STPG2: variants seen among roughly 807,000 people sequenced by gnomAD.
STPG2 encodes sperm-tail PG-rich repeat-containing protein 2.
In STPG2, 56 loss-of-function variants were observed where a neutral mutation model predicts 54.2. The ratio of observed to expected loss-of-function variants is 1.03; its 90% CI spans 0.83 to 1.29. STPG2 has a LOEUF of 1.29. Ranked by LOEUF, STPG2 falls within the 50% of genes most tolerant of loss-of-function variation. The pLI is 0.00. For missense variants in STPG2, 596 were observed against 544.9 expected (o/e 1.09, Z -0.93); for synonymous variants, 200 against 181.8 (o/e 1.10, Z -0.81).
intron 9 of STPG2, among the ~76,000 whole-genome samples, chr4:97,719,277 C>T (rs1724378676): frequency 6.6e-6 from 1 of 151,888 alleles, no homozygotes; most frequent in Admixed American, 6.6e-5. Flanking sequence ...AGAAATGTTA[C>T]TCCACTGGTC....
intron 4 of STPG2, among the ~76,000 whole-genome samples, chr4:97,533,620 G>C (rs75876893): frequency 0.016 from 2,361 of 152,076 alleles, 47 homozygotes; most frequent in African/African-American, 0.054. Context: ...CTGATATCAT[G>C]ATTATTAGCA....
intron 4 of STPG2, among the ~76,000 whole-genome samples, chr4:97,513,045 T>TA (rs1731005624): frequency 1.3e-5 from 2 of 152,142 alleles, no homozygotes; most frequent in Admixed American, 1.3e-4. Context: ...CCTGTGCTTC[T>TA]TATTGACTAG....
chr4:98,091,704 G>GTAA (rs1553941036), intron 5 of STPG2, among the ~76,000 whole-genome samples: 59,884 of 120,344 alleles, frequency 0.5, 12,069 homozygotes, highest in Middle Eastern at 0.61. Flanking sequence ...TGTTCATTGA[G>GTAA]TAATAATAAC....
intron 8 of STPG2, among the ~76,000 whole-genome samples, chr4:97,851,713 G>A (rs2149131453): frequency 6.6e-6 from 1 of 152,198 alleles, no homozygotes; most frequent in South Asian, 2.1e-4. Flanking sequence ...GTGTCTCCAG[G>A]TAGTTAAATT....
Position 97,692,197 on chromosome 4 carries a change from C to T in STPG2, c.1320+20502G>A, listed in dbSNP as rs555121822. The stretch of plus-strand genomic sequence containing the variant: ...AAACCAAGATGAAATTTCTGAATTG[C>T]CAGAAAAAGAATTCAGAAAGTTGAC... On this transcript the variant is annotated intron_variant, in intron 10 of 10. Coordinates refer to ENST00000295268, the MANE Select transcript of STPG2 (RefSeq NM_174952.3). 1.0e-4 allele frequency among the ~76,000 whole-genome samples: 15 copies of T among 150,486 alleles called. No individual in the cohort carries two copies. In the South Asian group the frequency reaches 2.3e-3, roughly 23 times the overall value.
intron 10 of STPG2, among the ~76,000 whole-genome samples, chr4:97,671,657 C>T (rs558455589): frequency 3.3e-5 from 5 of 152,274 alleles, no homozygotes; most frequent in Non-Finnish European, 7.4e-5. Flanking sequence ...CTTTTAGTGT[C>T]AGATGGCCTC....
intron 7 of STPG2, among the ~76,000 whole-genome samples, chr4:97,951,803 G>A (rs1733482502): frequency 6.6e-6 from 1 of 152,090 alleles, no homozygotes; most frequent in Admixed American, 6.5e-5. Context: ...GAACAACTCA[G>A]GCTTCAGGCT....
intron 9 of STPG2, among the ~76,000 whole-genome samples, chr4:97,755,661 T>A (rs542210484): frequency 6.6e-5 from 10 of 152,308 alleles, no homozygotes; most frequent in Non-Finnish European, 1.5e-4. Context: ...CAATACTTTC[T>A]TAAAGAAATG....
intron 4 of STPG2, among the ~76,000 whole-genome samples, chr4:97,509,085 T>C (rs962954194): frequency 3.9e-5 from 6 of 152,136 alleles, no homozygotes; most frequent in Admixed American, 2.0e-4. Context: ...CTCTACAGCA[T>C]CGCCTTCACT....
chr4:97,535,548 T>A (rs540610960), intron 4 of STPG2, among the ~76,000 whole-genome samples: 1 of 152,202 alleles, frequency 6.6e-6, no homozygotes, highest in East Asian at 1.9e-4. Context: ...CTTTTCCTTT[T>A]AGCATGGTAA....
intron 4 of STPG2, among the ~76,000 whole-genome samples, chr4:97,526,815 C>T (rs1016518148): frequency 5.9e-5 from 9 of 152,008 alleles, no homozygotes; most frequent in Non-Finnish European, 1.2e-4. Flanking sequence ...TTAGGTCTTA[C>T]ATTTAAGCCT....
rs72316841 is a variant in STPG2, at chr4:97,632,285, GT to G, written c.1321-73169del. On this transcript the variant is annotated intron_variant, in intron 10 of 10. Coordinates refer to ENST00000295268, the MANE Select transcript of STPG2 (RefSeq NM_174952.3). The stretch of plus-strand genomic sequence containing the variant: ...CACACAAATTTTAACAAGCTTATTG[GT>G]TTTTTTTTTTTTTATTTCTGAGCTT... Among the ~76,000 whole-genome samples the G allele has an allele frequency of 1.9e-3, 270 of 140,718 alleles. 1 individual carries two copies. The highest frequency in any genetic ancestry group is 3.7e-3 in the Middle Eastern group (1 of 268). The allele number at this position is 140,718 out of a possible 152,430, so 92.3% of individuals were successfully genotyped here. A position where few individuals can be genotyped will look rare whatever the true frequency, so the allele number is the denominator to read the frequency against.
chr4:97,899,129 G>A (rs1578667395), intron 8 of STPG2, among the ~76,000 whole-genome samples: 1 of 151,786 alleles, frequency 6.6e-6, no homozygotes, highest in African/African-American at 2.4e-5. Context: ...CAAACTTTCA[G>A]GATATGAAAT....
chr4:98,035,881 G>T (rs1736760606), intron 5 of STPG2, among the ~76,000 whole-genome samples: 1 of 152,056 alleles, frequency 6.6e-6, no homozygotes, highest in Non-Finnish European at 1.5e-5. Flanking sequence ...TCACTCAGAA[G>T]TGGGAGATGA....
intron 3 of STPG2, among the ~76,000 whole-genome samples, chr4:98,124,109 G>A (rs867801299): frequency 1.3e-5 from 2 of 152,120 alleles, no homozygotes; most frequent in African/African-American, 2.4e-5. Context: ...ACAGCACACC[G>A]ATGGATCTTG....
intron 9 of STPG2, among the ~76,000 whole-genome samples, chr4:97,822,200 A>G (rs1160980087): frequency 2.0e-5 from 3 of 152,128 alleles, no homozygotes; most frequent in African/African-American, 7.2e-5. Context: ...CTGCTTAGAA[A>G]TTTTTTCTGC....
At chr4:97,707,563 GA>G (rs1267987794) in intron 10 of STPG2, among the ~76,000 whole-genome samples, 3 of 151,892 alleles carry the variant, frequency 2.0e-5, no homozygotes, top group African/African-American at 4.8e-5. Flanking sequence ...AGGATGGAGG[GA>G]GGGGGGAAGT....
chr4:97,797,637 G>T lies in STPG2; in HGVS notation c.1204+43136C>A, dbSNP rs139562574. On this transcript the variant is annotated intron_variant, in intron 9 of 10. Transcript: ENST00000295268. ...GCATTGATGTTCATCAGGGATATTG[G>T]TCTAAAATTCTCTTTTTTTGTTGTG... is the stretch of plus-strand genomic sequence containing the variant. Among the ~76,000 whole-genome samples, 570 of 152,276 alleles carry T rather than the reference G, an allele frequency of 3.7e-3. 1 individual carries two copies. Among genetic ancestry groups the T allele is most frequent in the African/African-American group, 0.013 (540 of 41,540 alleles).
chr4:97,540,232 A>T (rs1731659772), intron 4 of STPG2, among the ~76,000 whole-genome samples: 1 of 152,184 alleles, frequency 6.6e-6, no homozygotes, highest in Non-Finnish European at 1.5e-5. Context: ...TGCTAGCAAG[A>T]CTAATAAAGA....
Sources: allele counts gnomAD v4.1 joint callset (sites outside exome capture counted in the v4.1 genomes callset), GRCh38; gene constraint gnomAD v4.1.1; transcripts MANE v1.5; gene names NCBI Gene and HGNC (gene_info 2026-07-23, HGNC 2026-07-21).